Variants in TSPAN5 observed in about 807,000 individuals in gnomAD.
The protein encoded by TSPAN5 is tetraspanin 5.
In TSPAN5, 10 loss-of-function variants were observed where a neutral mutation model predicts 37.1. That is an observed-to-expected ratio of 0.27 (90% CI 0.17 to 0.46). The LOEUF is 0.46. TSPAN5 is among the 20% of genes least tolerant of loss of function. TSPAN5 has a pLI of 1.00. For synonymous variants in TSPAN5, 110 were observed against 118.9 expected, an observed-to-expected ratio of 0.93 and a Z score of 0.48; for missense variants, 195 against 326.6, an observed-to-expected ratio of 0.60 and a Z score of 3.11.
intron 1 of TSPAN5, among the ~76,000 whole-genome samples, chr4:98,545,800 G>A (rs4699652): frequency 0.6 from 91,097 of 152,028 alleles, 27,607 homozygotes; most frequent in South Asian, 0.75. Flanking sequence ...CCAAAGTGCT[G>A]GGATTACAGG....
intron 7 of TSPAN5, among the ~76,000 whole-genome samples, chr4:98,475,675 T>A (rs1752674346): frequency 6.6e-6 from 1 of 152,066 alleles, no homozygotes; most frequent in Non-Finnish European, 1.5e-5. Context: ...GATAGTAGCA[T>A]CTAAACTCAG....
intron 1 of TSPAN5, among the ~76,000 whole-genome samples, chr4:98,643,481 T>C (rs946765048): frequency 5.3e-5 from 8 of 152,208 alleles, no homozygotes; most frequent in African/African-American, 1.7e-4. Flanking sequence ...ATTGGTACTA[T>C]ATATTTTATA....
chr4:98,539,890 CTCA>C (rs1754320552), intron 1 of TSPAN5, among the ~76,000 whole-genome samples: 1 of 152,174 alleles, frequency 6.6e-6, no homozygotes, highest in East Asian at 1.9e-4. Flanking sequence ...CTCTCTCTCT[CTCA>C]TCAACATGGC....
At chr4:98,526,689 G>A (rs1031427773) in intron 1 of TSPAN5, among the ~76,000 whole-genome samples, 6 of 151,452 alleles carry the variant, frequency 4.0e-5, no homozygotes, top group Non-Finnish European at 5.9e-5. Context: ...AAGATTTCAT[G>A]AGGGGGTACA....
chr4:98,490,092 G>A (rs1200685343), intron 2 of TSPAN5, among the ~76,000 whole-genome samples: 3 of 152,222 alleles, frequency 2.0e-5, no homozygotes, highest in Non-Finnish European at 2.9e-5. Flanking sequence ...CTTTGAGACC[G>A]TTCTATGATT....
intron 1 of TSPAN5, among the ~76,000 whole-genome samples, chr4:98,564,212 A>G (rs752249814): frequency 2.9e-4 from 44 of 152,346 alleles, no homozygotes; most frequent in Non-Finnish European, 4.1e-4. Context: ...TTAGAAACCT[A>G]AATGATACAT....
At chr4:98,507,434 A>G (rs1324871599) in intron 2 of TSPAN5, among the ~76,000 whole-genome samples, 1 of 152,246 alleles carries the variant, frequency 6.6e-6, no homozygotes, top group Non-Finnish European at 1.5e-5. Context: ...ATCAAATTCC[A>G]AGGTATATTC....
At chr4:98,608,559 G>A (rs1396179599) in intron 1 of TSPAN5, among the ~76,000 whole-genome samples, 1 of 152,150 alleles carries the variant, frequency 6.6e-6, no homozygotes, top group Admixed American at 6.5e-5. Flanking sequence ...CCTGGCAGGT[G>A]GCAGCGGAAG....
intron 2 of TSPAN5, among the ~76,000 whole-genome samples, chr4:98,501,442 A>G (rs192202621): frequency 6.6e-6 from 1 of 152,324 alleles, no homozygotes; most frequent in East Asian, 1.9e-4. Flanking sequence ...CTAACATTCT[A>G]GGTACTAGAG....
chr4:98,503,006 G>A (rs1259412478), intron 2 of TSPAN5, among the ~76,000 whole-genome samples: 1 of 151,952 alleles, frequency 6.6e-6, no homozygotes, highest in Non-Finnish European at 1.5e-5. Context: ...AGGAATAGAG[G>A]GAGGAGGTTG....
chr4:98,595,224 C>T (rs1408769547), intron 1 of TSPAN5, among the ~76,000 whole-genome samples: 4 of 105,236 alleles, frequency 3.8e-5, no homozygotes, highest in South Asian at 3.3e-4. Context: ...AGTTTATTTG[C>T]GTAGAGGTGT....
chr4:98,601,700 G>A (rs1353478841), intron 1 of TSPAN5, among the ~76,000 whole-genome samples: 1 of 152,156 alleles, frequency 6.6e-6, no homozygotes, highest in Non-Finnish European at 1.5e-5. Flanking sequence ...TCATTCATGG[G>A]TTCACTGGAA....
chr4:98,609,229 G>A (rs1756120263), intron 1 of TSPAN5, among the ~76,000 whole-genome samples: 1 of 151,988 alleles, frequency 6.6e-6, no homozygotes, highest in African/African-American at 2.4e-5. Flanking sequence ...TACACATACT[G>A]CTGTCCAAGC....
At chr4:98,533,308 C>T (rs1269130665) in intron 1 of TSPAN5, among the ~76,000 whole-genome samples, 5 of 151,980 alleles carry the variant, frequency 3.3e-5, no homozygotes, top group African/African-American at 1.2e-4. Flanking sequence ...GGCTGTGAAT[C>T]CATCTGGTCC....
At chr4:98,607,174 G>C (rs1756057633) in intron 1 of TSPAN5, among the ~76,000 whole-genome samples, 1 of 152,096 alleles carries the variant, frequency 6.6e-6, no homozygotes, top group South Asian at 2.1e-4. Context: ...CCCCGCTCTG[G>C]GCAGTTCCAC....
At chr4:98,523,334 T>C (rs1753895813) in intron 1 of TSPAN5, among the ~76,000 whole-genome samples, 1 of 152,200 alleles carries the variant, frequency 6.6e-6, no homozygotes, top group Non-Finnish European at 1.5e-5. Context: ...TGGCATGACA[T>C]TAAAGTGAGT....
intron 1 of TSPAN5, among the ~76,000 whole-genome samples, chr4:98,571,047 G>A (rs1474158530): frequency 2.6e-5 from 4 of 151,980 alleles, no homozygotes; most frequent in African/African-American, 9.7e-5. Context: ...AAAAGTTACT[G>A]TAACTCACTC....
chr4:98,490,775 T>C (rs1753067371), intron 2 of TSPAN5, among the ~76,000 whole-genome samples: 1 of 152,272 alleles, frequency 6.6e-6, no homozygotes, highest in Non-Finnish European at 1.5e-5. Flanking sequence ...AAATTGTATG[T>C]ATTGGCCCGG....
intron 2 of TSPAN5, among the ~76,000 whole-genome samples, chr4:98,504,557 C>A (rs1753431584): frequency 6.6e-6 from 1 of 152,140 alleles, no homozygotes; most frequent in Non-Finnish European, 1.5e-5. Context: ...TGCTCTTGCC[C>A]CATATTAAGA....
Sources: allele counts gnomAD v4.1 joint callset (sites outside exome capture counted in the v4.1 genomes callset), GRCh38; gene constraint gnomAD v4.1.1; transcripts MANE v1.5; gene names NCBI Gene and HGNC (gene_info 2026-07-23, HGNC 2026-07-21).